Variants in PICK1 observed in about 807,000 individuals in gnomAD.
PICK1 encodes PRKCA-binding protein.
Under a neutral mutation model 48.9 loss-of-function variants are expected in PICK1, and 23 were observed. The ratio of observed to expected loss-of-function variants is 0.47; its 90% CI spans 0.34 to 0.67. PICK1 has a LOEUF of 0.67. Among genes scored for constraint, PICK1 ranks in the 30% least tolerant of loss-of-function variants. PICK1 has a pLI of 0.01. For synonymous variants in PICK1, 217 were observed against 228.2 expected (o/e 0.95, Z 0.44); for missense variants, 423 against 557.1 (o/e 0.76, Z 2.42).
At chr22:38,070,585 A>G (rs2085653946) in intron 6 of PICK1, among the ~76,000 whole-genome samples, 1 of 152,120 alleles carries the variant, frequency 6.6e-6, no homozygotes, top group Non-Finnish European at 1.5e-5. Flanking sequence ...AGCTGTCAGC[A>G]GGCTTTGTGT....
chr22:38,072,652 G>T, intron 9 of PICK1, 42 bp downstream of exon 9: 1 of 1,608,438 alleles, frequency 6.2e-7, no homozygotes, highest in South Asian at 1.1e-5. Context: ...GTGTGAGGGT[G>T]GGGAGGGGAG....
intron 9 of PICK1, 146 bp from the exon 10 acceptor site, chr22:38,072,854 C>T: frequency 1.2e-6 from 1 of 834,396 alleles, no homozygotes; most frequent in Non-Finnish European, 2.1e-6. Flanking sequence ...CTAGTCTTCT[C>T]ATCCTTGAGA....
rs761247405 is a variant in PICK1, at chr22:38,075,026, GGGA to G, written c.1161_1163del (p.Glu388del). On this transcript the variant is annotated inframe_deletion, in exon 13 of 13. Coordinates refer to ENST00000356976, the MANE Select transcript of PICK1 (RefSeq NM_012407.4). Reference sequence around the variant, plus strand: ...CTCAACCAGGAGGAGTTCACAGATGGGGAGGAGGAGGAGGAGGAGGAAGACACG... The same window carrying G: ...CTCAACCAGGAGGAGTTCACAGATGGGGAGGAGGAGGAGGAGGAAGACACG... The G allele has an allele frequency of 1.5e-4, 236 of 1,605,878 alleles. No homozygotes were observed. Among genetic ancestry groups the G allele is most frequent in the African/African-American group, 5.1e-4 (38 of 74,734 alleles).
chr22:38,071,847 C>G, intron 8 of PICK1, 103 bp downstream of exon 8: 1 of 989,814 alleles, frequency 1.0e-6, no homozygotes, highest in South Asian at 1.3e-5. Context: ...ACCTCAGGCT[C>G]CCTCTGGGCT....
In PICK1 at chr22:38,073,945, AT is replaced by A; in HGVS notation, c.834+125del. The A allele has an allele frequency of 2.0e-6, 2 of 1,009,448 alleles. No individual in the cohort carries two copies. Among genetic ancestry groups the A allele is most frequent in the Non-Finnish European group, 3.1e-6 (2 of 647,178 alleles). 62.5% of individuals were successfully genotyped at this position (1,009,448 alleles called of 1,614,324 possible). A position where few individuals can be genotyped will look rare whatever the true frequency, so the allele number is the denominator to read the frequency against. ...CTTGGCTGGACTCTCGTTCCTGGAGATTTAGGGCCATCTTCCCAGTCCCGCT... is the reference window on the plus strand; with the variant it reads ...CTTGGCTGGACTCTCGTTCCTGGAGATTAGGGCCATCTTCCCAGTCCCGCT... On this transcript the variant is annotated intron_variant, in intron 11 of 12. Coordinates refer to ENST00000356976, the MANE Select transcript of PICK1 (RefSeq NM_012407.4). This position sits in a 1 kb window ranked among gnomAD's most constrained non-coding sequence, Gnocchi z 5.7.
chr22:38,071,731 G>T lies in PICK1; in HGVS notation c.543G>T (p.Ser181=). The part of the protein sequence containing the change: ...KNLLRAFYEL[S]QTHRAFGDVF... Reference sequence around the variant, plus strand: ...TCCTACGGGCCTTTTATGAGCTGTCGCAGACTCACCGGGGTAATGGCATCC... The same window carrying T: ...TCCTACGGGCCTTTTATGAGCTGTCTCAGACTCACCGGGGTAATGGCATCC... Residue 181 remains serine (S), a synonymous_variant, in exon 8 of 13, where the codon TCG becomes TCT. Transcript: ENST00000356976. The T allele has an allele frequency of 6.2e-7, 1 of 1,613,288 alleles. No homozygotes were observed. Among genetic ancestry groups the T allele is most frequent in the Middle Eastern group, 1.6e-4 (1 of 6,062 alleles).
At position 38,074,069 on chromosome 22, in the gene PICK1, G is replaced by A. The variant is rs2085768902; in HGVS notation, c.835-238G>A. The A allele has an allele frequency of 1.6e-6, 1 of 627,440 alleles. No individual in the cohort carries two copies. Among genetic ancestry groups the A allele is most frequent in the Non-Finnish European group, 2.8e-6 (1 of 359,192 alleles). 38.9% of individuals were successfully genotyped at this position (627,440 alleles called of 1,614,324 possible). On this transcript the variant is annotated intron_variant, in intron 11 of 12. Coordinates refer to ENST00000356976, the MANE Select transcript of PICK1 (RefSeq NM_012407.4). This position sits in a 1 kb window ranked among gnomAD's most constrained non-coding sequence, Gnocchi z 4.5. ...CGGATTTTCTTCACTCCTATGAGGC[G>A]CTTTTAAGTGTTTGATTTTTCTGCT...
In PICK1 at chr22:38,074,565, C is replaced by T; in HGVS notation, c.979+114C>T. ...CCCAGATGTAAAGCCCCTCCAGGAG[C>T]CCAGCCATCTGCCCAGAGCCTGGCC... On this transcript the variant is annotated intron_variant, in intron 12 of 12. Transcript: ENST00000356976. This position sits in a 1 kb window ranked among gnomAD's most constrained non-coding sequence, Gnocchi z 4.5. 7.1e-7 allele frequency: 1 copy of T among 1,413,502 alleles called. No individual in the cohort carries two copies. The highest frequency in any genetic ancestry group is 1.2e-5 in the South Asian group (1 of 81,652). 87.6% of individuals were successfully genotyped at this position (1,413,502 alleles called of 1,614,324 possible).
chr22:38,062,791 T>G (rs894350850), intron 3 of PICK1, among the ~76,000 whole-genome samples: 4 of 152,242 alleles, frequency 2.6e-5, no homozygotes, highest in Non-Finnish European at 5.9e-5. Flanking sequence ...AGTTGACATT[T>G]TGGCTCATTC....
chr22:38,059,264 C>A lies in PICK1; in HGVS notation c.72C>A (p.Thr24=). The A allele has an allele frequency of 6.3e-7, 1 of 1,585,330 alleles. No homozygotes were observed. Among genetic ancestry groups the A allele is most frequent in the Admixed American group, 1.8e-5 (1 of 56,216 alleles). Residue 24 remains threonine, a synonymous_variant, in exon 3 of 13, where the codon ACC becomes ACA. Coordinates refer to ENST00000356976, the MANE Select transcript of PICK1 (RefSeq NM_012407.4). ...LGIPTVPGKV[T]LQKDAQNLIG... is the part of the protein sequence containing the mutation. ...TCCCGACTGTGCCTGGGAAGGTGAC[C>A]CTGCAGAAGGATGCTCAGAACCTGA...
intron 6 of PICK1, among the ~76,000 whole-genome samples, chr22:38,069,432 G>T (rs1244157834): frequency 6.6e-6 from 1 of 152,176 alleles, no homozygotes; most frequent in Admixed American, 6.5e-5. Flanking sequence ...CACTCTCGCG[G>T]CCCACCTCCT....
chr22:38,060,028 A>G (rs934755224), intron 3 of PICK1, among the ~76,000 whole-genome samples: 2 of 152,210 alleles, frequency 1.3e-5, no homozygotes, highest in African/African-American at 4.8e-5. Flanking sequence ...CCTGGCCAAC[A>G]TGGTGAAACC....
chr22:38,062,685 C>A (rs2085433545), intron 3 of PICK1, among the ~76,000 whole-genome samples: 1 of 72,710 alleles, frequency 1.4e-5, no homozygotes, highest in Non-Finnish European at 3.1e-5. Context: ...TGGAGAATAT[C>A]CTCCTGTAGC....
chr22:38,057,564 G>T lies in PICK1; in HGVS notation c.-81G>T, dbSNP rs1408135871. On this transcript the variant is annotated 5_prime_UTR_variant, in exon 1 of 13. Coordinates refer to ENST00000356976, the MANE Select transcript of PICK1 (RefSeq NM_012407.4). ...TCTGGGATCTGAGCCTATCGCCCTG[G>T]CCTGGAGCCCCCCTTTGTACCTAGT... The T allele has an allele frequency of 3.5e-6, 2 of 570,726 alleles. No individual in the cohort carries two copies. The highest frequency in any genetic ancestry group is 3.8e-5 in the African/African-American group (2 of 53,246). The allele number at this position is 570,726 out of a possible 1,614,324, so 35.4% of individuals were successfully genotyped here. A position where few individuals can be genotyped will look rare whatever the true frequency, so the allele number is the denominator to read the frequency against.
chr22:38,061,369 G>T (rs992580620), intron 3 of PICK1, among the ~76,000 whole-genome samples: 1 of 149,242 alleles, frequency 6.7e-6, no homozygotes, highest in African/African-American at 2.5e-5. Context: ...CATCATCATA[G>T]AATTGATTTT....
chr22:38,075,176 C>A lies in PICK1; in HGVS notation c.*44C>A. On this transcript the variant is annotated 3_prime_UTR_variant, in exon 13 of 13. Transcript: ENST00000356976. ...GCCGGGGGCAGGGTGCGTGGGAGGA[C>A]GGAGCCTGGGAGCGGGGCGGGGCCG... 1 of 1,580,698 alleles carries A rather than the reference C, an allele frequency of 6.3e-7. No homozygotes were observed. The highest frequency in any genetic ancestry group is 8.6e-7 in the Non-Finnish European group (1 of 1,162,820).
chr22:38,072,477 C>G lies in PICK1; in HGVS notation c.557C>G (p.Ala186Gly), dbSNP rs2085721921. The G allele has an allele frequency of 2.5e-6, 4 of 1,612,820 alleles. No individual in the cohort carries two copies. The highest frequency in any genetic ancestry group is 3.4e-6 in the Non-Finnish European group (4 of 1,179,952). ...CCTTCAAGGCAAACTTGTCCTGCAG[C>G]CTTTGGGGACGTGTTCTCCGTGATC... ...AFYELSQTHR[A>G]FGDVFSVIGV... is the part of the protein sequence containing the mutation. The change falls in exon 9 of 13, where the codon GCC becomes GGC. Residue 186 changes from alanine (A) to glycine (G), a missense_variant and splice_region_variant. Coordinates refer to ENST00000356976, the MANE Select transcript of PICK1 (RefSeq NM_012407.4).
At chr22:38,061,270 G>A (rs892478187) in intron 3 of PICK1, among the ~76,000 whole-genome samples, 1 of 152,096 alleles carries the variant, frequency 6.6e-6, no homozygotes, top group African/African-American at 2.4e-5. Flanking sequence ...GAACCCGGGA[G>A]ATGGTGGTTG....
intron 8 of PICK1, chr22:38,072,144 AC>A (rs1277209149): frequency 2.0e-6 from 1 of 505,398 alleles, no homozygotes; most frequent in Non-Finnish European, 3.6e-6. Context: ...CTAGACTCGG[AC>A]CAGTGTTCTG....
Sources: gnomAD v4.1 joint callset for allele counts (sites outside exome capture counted in the v4.1 genomes callset) on GRCh38, gnomAD v4.1.1 for gene constraint, Gnocchi (gnomAD v3.1) non-coding constraint, MANE v1.5 for transcripts, NCBI Gene and HGNC (gene_info 2026-07-23, HGNC 2026-07-21) for gene names.